The following ZFAND4 variants were observed in gnomAD, a reference collection of about 807,000 sequenced individuals.
ZFAND4 encodes the protein zinc finger AN1-type containing 4.
A neutral mutation model predicts 64.4 loss-of-function variants in ZFAND4; 43 were observed. The observed-to-expected ratio is 0.67, with a 90% confidence interval of 0.52 to 0.86. ZFAND4 has a LOEUF of 0.86. Among genes scored for constraint, ZFAND4 ranks in the 40% least tolerant of loss-of-function variants. The probability of loss-of-function intolerance (pLI) is 0.00; values close to 1 mark genes in which losing one functional copy is unlikely to be tolerated. For missense variants in ZFAND4, 929 were observed against 859.8 expected (o/e 1.08, Z -1.01); for synonymous variants, 296 against 305.7 (o/e 0.97, Z 0.33).
intron 1 of ZFAND4, among the ~76,000 whole-genome samples, chr10:45,670,426 A>C (rs1340360147): frequency 6.6e-6 from 1 of 152,054 alleles, no homozygotes; most frequent in African/African-American, 2.4e-5. Context: ...ATTTCTCCCA[A>C]CAGGGGTTTC....
chr10:45,663,662 G>A lies in ZFAND4; in HGVS notation c.64C>T (p.Leu22Phe), dbSNP rs981169861. The A allele has an allele frequency of 1.2e-6, 2 of 1,610,846 alleles. No homozygotes were observed. The highest frequency in any genetic ancestry group is 1.7e-6 in the Non-Finnish European group (2 of 1,179,098). The change falls in exon 2 of 10, where the codon CTT (leucine) becomes TTT (phenylalanine). Residue 22 changes from leucine to phenylalanine, a missense_variant. By Grantham distance (22) the Leu-to-Phe change is conservative. Transcript: ENST00000344646. ...DDNMGPFYYRLHFCDTMELFI... is the reference protein window; with the variant it reads ...DDNMGPFYYRFHFCDTMELFI... ...AGCTCCATGGTATCACAGAAATGAA[G>A]TCTGTAGTAAAATGGTCCCATGTTA...
chr10:45,619,889 A>G (rs187602781), intron 8 of ZFAND4, among the ~76,000 whole-genome samples: 3 of 152,352 alleles, frequency 2.0e-5, no homozygotes, highest in African/African-American at 4.8e-5. Context: ...TCTCAAGTGC[A>G]CTTAGAGATA....
At chr10:45,654,303 T>C (rs1330609091) in intron 2 of ZFAND4, among the ~76,000 whole-genome samples, 2 of 152,112 alleles carry the variant, frequency 1.3e-5, no homozygotes, top group African/African-American at 2.4e-5. Flanking sequence ...ATGTATCCAC[T>C]GAACCTAAAA....
chr10:45,656,703 T>C (rs1241874147), intron 2 of ZFAND4, among the ~76,000 whole-genome samples: 1 of 152,074 alleles, frequency 6.6e-6, no homozygotes, highest in Non-Finnish European at 1.5e-5. Flanking sequence ...CAAATTCATA[T>C]GCTGAAGCCT....
chr10:45,637,364 A>C (rs1197827209), intron 6 of ZFAND4, among the ~76,000 whole-genome samples: 1 of 150,592 alleles, frequency 6.6e-6, no homozygotes, highest in Non-Finnish European at 1.5e-5. Flanking sequence ...AAAAAATTTC[A>C]GCTGGACTAA....
chr10:45,636,730 T>C (rs1403128786), intron 6 of ZFAND4, among the ~76,000 whole-genome samples: 1 of 152,182 alleles, frequency 6.6e-6, no homozygotes, highest in African/African-American at 2.4e-5. Flanking sequence ...AAATGTGTAC[T>C]CTGCTGTTTT....
At position 45,666,850 on chromosome 10, in the gene ZFAND4, T is replaced by C. The variant is rs898062417; in HGVS notation, c.-117-3008A>G. ...TGTGAAGGTTTATTTCCAGACTCTT[T>C]ATTCTGTTGATCTACCTATGCCAGT... On this transcript the variant is annotated intron_variant, in intron 1 of 9. Transcript: ENST00000344646. Among the ~76,000 whole-genome samples, 7 of 152,246 alleles carry C rather than the reference T, an allele frequency of 4.6e-5. 1 individual carries two copies. Among genetic ancestry groups the C allele is most frequent in the Admixed American group, 3.3e-4 (5 of 15,288 alleles).
intron 6 of ZFAND4, among the ~76,000 whole-genome samples, chr10:45,637,633 C>G (rs2046700893): frequency 1.3e-5 from 2 of 151,922 alleles, no homozygotes; most frequent in South Asian, 4.2e-4. Flanking sequence ...ACCCGTAATC[C>G]CAGCTATTTG....
intron 5 of ZFAND4, among the ~76,000 whole-genome samples, chr10:45,644,833 T>C (rs1319508764): frequency 6.6e-6 from 1 of 152,196 alleles, no homozygotes; most frequent in Non-Finnish European, 1.5e-5. Context: ...ATGAAGCTAC[T>C]ACAGGTGAGA....
intron 8 of ZFAND4, among the ~76,000 whole-genome samples, chr10:45,623,852 T>C (rs2045607524): frequency 6.6e-6 from 1 of 152,194 alleles, no homozygotes; most frequent in Non-Finnish European, 1.5e-5. Context: ...CCTTGGGCCT[T>C]ACATAGGAAT....
chr10:45,657,213 G>C (rs1044485545), intron 2 of ZFAND4, among the ~76,000 whole-genome samples: 4 of 151,952 alleles, frequency 2.6e-5, no homozygotes, highest in Non-Finnish European at 5.9e-5. Context: ...ACAGGGTTTC[G>C]CAATGTTGCC....
In ZFAND4 at chr10:45,648,489, G is replaced by A. The variant is rs2047543457; in HGVS notation, c.374C>T (p.Ser125Phe). 4 of 1,613,558 alleles carry A rather than the reference G, an allele frequency of 2.5e-6. No homozygotes were observed. The African/African-American group carries it at 5.3e-5, about 22-fold the overall frequency. The change falls in exon 5 of 10, where the codon TCC (serine) becomes TTC (phenylalanine). Residue 125 changes from serine to phenylalanine, a missense_variant. Physicochemically the swap from Ser to Phe is radical, Grantham distance 155. Coordinates refer to ENST00000344646, the MANE Select transcript of ZFAND4 (RefSeq NM_174890.4). ...PLRKMAEYLD[S>F]SRVEVWEKTS... Reference sequence around the variant, plus strand: ...CTTCTCCCAGACCTCAACTCGACTGGAATCCAAGTACTCTGCCATCTTCCT... The same window carrying A: ...CTTCTCCCAGACCTCAACTCGACTGAAATCCAAGTACTCTGCCATCTTCCT...
chr10:45,626,127 T>C lies in ZFAND4; in HGVS notation c.1696A>G (p.Asn566Asp). 1 of 1,614,148 alleles carries C rather than the reference T, an allele frequency of 6.2e-7. No individual in the cohort carries two copies. Among genetic ancestry groups the C allele is most frequent in the Non-Finnish European group, 8.5e-7 (1 of 1,180,044 alleles). The change falls in exon 7 of 10, where the codon AAT (asparagine) becomes GAT (aspartate). Residue 566 changes from asparagine to aspartate, a missense_variant. Coordinates refer to ENST00000344646, the MANE Select transcript of ZFAND4 (RefSeq NM_174890.4). ...GCCAGTGAGGCAAGAAAACTGATAT[T>C]ATTTACACAACCAACAGGCTCTTTG... ...ASKEPVGCVN[N>D]ISFLASLAGS...
At chr10:45,639,636 G>A in intron 6 of ZFAND4, 180 bp downstream of exon 6, 2 of 553,374 alleles carry the variant, frequency 3.6e-6, no homozygotes, top group South Asian at 3.7e-5. Flanking sequence ...ATCCCTTCAG[G>A]TGTGCTTCTA....
chr10:45,634,194 A>G (rs1438947223), intron 6 of ZFAND4, among the ~76,000 whole-genome samples: 1 of 152,184 alleles, frequency 6.6e-6, no homozygotes, highest in Non-Finnish European at 1.5e-5. Flanking sequence ...GGAAAATATT[A>G]ATTGATGAAT....
chr10:45,638,059 T>C (rs2046734458), intron 6 of ZFAND4, among the ~76,000 whole-genome samples: 1 of 152,094 alleles, frequency 6.6e-6, no homozygotes, highest in South Asian at 2.1e-4. Flanking sequence ...TAGAGAAATA[T>C]AAAAGAAAAC....
At chr10:45,667,744 C>T (rs2048924958) in intron 1 of ZFAND4, among the ~76,000 whole-genome samples, 1 of 152,190 alleles carries the variant, frequency 6.6e-6, no homozygotes, top group African/African-American at 2.4e-5. Context: ...GCTGGGATTA[C>T]AGGCCTGAGC....
chr10:45,619,551 A>C (rs538277006), intron 8 of ZFAND4, among the ~76,000 whole-genome samples: 1 of 152,282 alleles, frequency 6.6e-6, no homozygotes, highest in Non-Finnish European at 1.5e-5. Context: ...GTGAGGAAAA[A>C]CTGGTAGTGT....
intron 4 of ZFAND4, 46 bp downstream of exon 4, chr10:45,651,920 T>G (rs2047783949): frequency 1.3e-6 from 2 of 1,528,438 alleles, no homozygotes; most frequent in Middle Eastern, 3.4e-4. Flanking sequence ...CTAACTGACA[T>G]AAAGAATGTT....
Sources: gnomAD v4.1 joint callset for allele counts (sites outside exome capture counted in the v4.1 genomes callset) on GRCh38, gnomAD v4.1.1 for gene constraint, MANE v1.5 for transcripts, NCBI Gene and HGNC (gene_info 2026-07-23, HGNC 2026-07-21) for gene names.